TLE1: variants seen among roughly 807,000 people sequenced by gnomAD.
TLE1 encodes the protein transducin-like enhancer protein 1.
Under a neutral mutation model 89.8 loss-of-function variants are expected in TLE1, and 21 were observed. The observed-to-expected ratio is 0.23, with a 90% CI of 0.17 to 0.34. The LOEUF (loss-of-function observed/expected upper bound fraction) is 0.34, where lower values mean the gene tolerates loss of function less well. TLE1 is among the 10% of genes least tolerant of loss of function. The pLI is 1.00. For missense variants in TLE1, 795 were observed against 1,031.2 expected (o/e 0.77, Z 3.14); for synonymous variants, 447 against 407.6 (o/e 1.10, Z -1.16).
Position 81,616,686 on chromosome 9 carries a change from T to A in TLE1, c.725A>T (p.Asp242Val), listed in dbSNP as rs1438662021. 6.2e-7 allele frequency: 1 copy of A among 1,614,144 alleles called. No individual in the cohort carries two copies. ...CACAACTAAGTTGTCATCGCTTTTG[T>A]CACCATCACTGTCCTGGAAAAAAGA... Reference protein sequence around the residue: ...KDSSHYDSDGDKSDDNLVVDV... With the variant: ...KDSSHYDSDGVKSDDNLVVDV... The change falls in exon 10 of 20, where the codon GAC becomes GTC. Residue 242 changes from aspartate to valine, a missense_variant. By Grantham distance (152) the Asp-to-Val change is radical. Transcript: ENST00000376499.
At chr9:81,673,928 G>GT (rs948063388) in intron 4 of TLE1, among the ~76,000 whole-genome samples, 2 of 152,076 alleles carry the variant, frequency 1.3e-5, no homozygotes, top group African/African-American at 4.8e-5. Context: ...TCTCCATCTG[G>GT]TGGTCCATCC....
chr9:81,666,776 A>AAAATAAATAAAT (rs58357123), intron 4 of TLE1, among the ~76,000 whole-genome samples: 3,283 of 141,838 alleles, frequency 0.023, 110 homozygotes, highest in African/African-American at 0.073. Flanking sequence ...CTCGTCTCAC[A>AAAATAAATAAAT]AAATAAATAA....
intron 11 of TLE1, among the ~76,000 whole-genome samples, chr9:81,614,571 T>G (rs1331510822): frequency 6.6e-6 from 1 of 152,200 alleles, no homozygotes; most frequent in Non-Finnish European, 1.5e-5. Context: ...CCTTGGATCA[T>G]GAGCCACGGC....
intron 14 of TLE1, among the ~76,000 whole-genome samples, chr9:81,595,039 G>C (rs2131861864): frequency 6.6e-6 from 1 of 152,092 alleles, no homozygotes; most frequent in Admixed American, 6.5e-5. Context: ...ATAGCTTTTT[G>C]GCCCAAATCC....
At chr9:81,676,262 G>A (rs769512720) in intron 4 of TLE1, among the ~76,000 whole-genome samples, 9 of 152,098 alleles carry the variant, frequency 5.9e-5, no homozygotes, top group African/African-American at 1.2e-4. Flanking sequence ...ATAACTCATC[G>A]GGAAGGGTAG....
intron 8 of TLE1, among the ~76,000 whole-genome samples, chr9:81,630,261 G>A (rs548323272): frequency 1.3e-5 from 2 of 152,146 alleles, no homozygotes; most frequent in South Asian, 2.1e-4. Context: ...CTTCCTAAAC[G>A]TCAACTAAAT....
At chr9:81,642,591 G>A (rs928926277) in intron 6 of TLE1, among the ~76,000 whole-genome samples, 5 of 152,098 alleles carry the variant, frequency 3.3e-5, no homozygotes, top group African/African-American at 1.2e-4. Flanking sequence ...CTACTCCAGA[G>A]GCTGAGGCAG....
At chr9:81,612,070 G>T (rs987907315) in intron 12 of TLE1, 111 bp from the exon 13 acceptor site, 3 of 891,304 alleles carry the variant, frequency 3.4e-6, no homozygotes, top group African/African-American at 3.5e-5. Context: ...AGAGAAAGAG[G>T]TAAGGCTTCT....
chr9:81,606,541 A>G (rs1831683193), intron 14 of TLE1, among the ~76,000 whole-genome samples: 1 of 152,172 alleles, frequency 6.6e-6, no homozygotes, highest in African/African-American at 2.4e-5. Context: ...AAAACCAAAC[A>G]CTGCATGTTT....
intron 8 of TLE1, among the ~76,000 whole-genome samples, chr9:81,629,998 TAAAC>T (rs1028985717): frequency 3.3e-5 from 5 of 152,088 alleles, no homozygotes; most frequent in Non-Finnish European, 7.4e-5. Flanking sequence ...CCACTAAAAA[TAAAC>T]AAACTACCTA....
At chr9:81,663,274 G>A (rs1324221291) in intron 4 of TLE1, among the ~76,000 whole-genome samples, 1 of 152,168 alleles carries the variant, frequency 6.6e-6, no homozygotes, top group Non-Finnish European at 1.5e-5. Context: ...TGGGTACCCA[G>A]CCCTCTTACG....
intron 4 of TLE1, among the ~76,000 whole-genome samples, chr9:81,656,130 G>C (rs1172995977): frequency 6.6e-6 from 1 of 152,110 alleles, no homozygotes; most frequent in Non-Finnish European, 1.5e-5. Flanking sequence ...TAGCCAGCGA[G>C]GCAGATATAT....
intron 4 of TLE1, among the ~76,000 whole-genome samples, chr9:81,660,651 C>T (rs1158039548): frequency 6.6e-6 from 1 of 150,944 alleles, no homozygotes; most frequent in Non-Finnish European, 1.5e-5. Context: ...CTCCTGACCT[C>T]GTGATTCGCC....
intron 7 of TLE1, 30 bp from the exon 8 acceptor site, chr9:81,633,394 G>A: frequency 1.2e-6 from 2 of 1,613,562 alleles, no homozygotes; most frequent in Non-Finnish European, 1.7e-6. Flanking sequence ...GAAACGCACA[G>A]ACATGCCCGT....
intron 14 of TLE1, among the ~76,000 whole-genome samples, chr9:81,600,628 C>A (rs1348899499): frequency 6.6e-5 from 9 of 135,758 alleles, no homozygotes; most frequent in African/African-American, 8.1e-5. Context: ...TTTAATAGAC[C>A]AAAAAAAAAA....
chr9:81,634,764 G>A (rs1195301758), intron 6 of TLE1, among the ~76,000 whole-genome samples: 1 of 152,074 alleles, frequency 6.6e-6, no homozygotes, highest in Non-Finnish European at 1.5e-5. Context: ...AAATGGGGGT[G>A]GGGATGCATC....
intron 14 of TLE1, among the ~76,000 whole-genome samples, chr9:81,594,781 T>C (rs1469184485): frequency 6.6e-6 from 1 of 152,212 alleles, no homozygotes. Context: ...TTCATTTTAA[T>C]ACAAACTCAA....
chr9:81,687,721 G>A (rs895156873), intron 1 of TLE1, among the ~76,000 whole-genome samples: 1 of 152,044 alleles, frequency 6.6e-6, no homozygotes, highest in Non-Finnish European at 1.5e-5. Context: ...CCGGCGGCCA[G>A]GGAAGACCAG....
intron 17 of TLE1, among the ~76,000 whole-genome samples, chr9:81,587,200 T>C (rs1828620469): frequency 6.6e-6 from 1 of 152,216 alleles, no homozygotes; most frequent in African/African-American, 2.4e-5. Context: ...GAGGTATCTG[T>C]GCATTTTTTT....
Sources: gnomAD v4.1 joint callset for allele counts (sites outside exome capture counted in the v4.1 genomes callset) on GRCh38, gnomAD v4.1.1 for gene constraint, MANE v1.5 for transcripts, NCBI Gene and HGNC (gene_info 2026-07-23, HGNC 2026-07-21) for gene names.